Variants in FGF12 observed in about 807,000 individuals in gnomAD.
FGF12 encodes the protein fibroblast growth factor 12.
FGF12 carries 14 observed loss-of-function variants against 23.6 expected under a neutral mutation model. The ratio of observed to expected loss-of-function variants is 0.59; its 90% CI spans 0.39 to 0.93. The LOEUF is 0.93. Ranked by LOEUF, FGF12 falls within the 40% of genes least tolerant of loss-of-function variation. FGF12 has a pLI of 0.00. For missense variants in FGF12, 175 were observed against 217.8 expected, an observed-to-expected ratio of 0.80 and a Z score of 1.24; for synonymous variants, 62 against 77.3, an observed-to-expected ratio of 0.80 and a Z score of 1.04.
At chr3:192,709,311 T>A (rs1006113421) in intron 2 of FGF12, among the ~76,000 whole-genome samples, 2 of 152,218 alleles carry the variant, frequency 1.3e-5, no homozygotes, top group African/African-American at 4.8e-5. Flanking sequence ...CCATTCTCTC[T>A]TTATGGCATT....
intron 2 of FGF12, among the ~76,000 whole-genome samples, chr3:192,712,840 T>C (rs1042618313): frequency 6.6e-6 from 1 of 151,796 alleles, no homozygotes; most frequent in Non-Finnish European, 1.5e-5. Context: ...CTGCAAAAAT[T>C]TTCTAGGGTG....
chr3:192,260,148 A>G (rs1418431247), intron 4 of FGF12, among the ~76,000 whole-genome samples: 2 of 152,182 alleles, frequency 1.3e-5, no homozygotes, highest in Non-Finnish European at 1.5e-5. Context: ...AAATGTTCCT[A>G]TGCCTAGCAA....
chr3:192,559,998 T>C (rs1465996290), intron 2 of FGF12, among the ~76,000 whole-genome samples: 1 of 152,026 alleles, frequency 6.6e-6, no homozygotes, highest in African/African-American at 2.4e-5. Context: ...TACCATAAAA[T>C]AAGTAGCAAT....
intron 2 of FGF12, among the ~76,000 whole-genome samples, chr3:192,694,157 C>A (rs894367780): frequency 6.6e-6 from 1 of 152,086 alleles, no homozygotes; most frequent in South Asian, 2.1e-4. Flanking sequence ...AGGTGCTCAA[C>A]GTCATTACGA....
chr3:192,173,762 G>C (rs1054191750), intron 4 of FGF12, among the ~76,000 whole-genome samples: 2 of 151,932 alleles, frequency 1.3e-5, no homozygotes, highest in Non-Finnish European at 2.9e-5. Context: ...AAGAAGTTAG[G>C]AAAAAAATAA....
At chr3:192,419,651 C>T (rs1315889868) in intron 2 of FGF12, among the ~76,000 whole-genome samples, 1 of 152,010 alleles carries the variant, frequency 6.6e-6, no homozygotes, top group Non-Finnish European at 1.5e-5. Context: ...TCATTATAGG[C>T]TGCATCCAAG....
chr3:192,373,536 A>G (rs1373867393), intron 2 of FGF12, among the ~76,000 whole-genome samples: 2 of 152,240 alleles, frequency 1.3e-5, no homozygotes, highest in East Asian at 1.9e-4. Context: ...GTTAAATTAT[A>G]ATCTAGACAA....
chr3:192,200,930 C>T (rs1195542230), intron 4 of FGF12, among the ~76,000 whole-genome samples: 2 of 151,848 alleles, frequency 1.3e-5, no homozygotes, highest in Non-Finnish European at 2.9e-5. Context: ...AGTGAGTAGG[C>T]TACCTCAGTA....
At chr3:192,205,935 G>A (rs570456448) in intron 4 of FGF12, among the ~76,000 whole-genome samples, 65 of 152,166 alleles carry the variant, frequency 4.3e-4, no homozygotes, top group Non-Finnish European at 7.9e-4. Context: ...CTACACAGAG[G>A]AGGTGTTACT....
At chr3:192,234,827 A>T (rs955805742) in intron 4 of FGF12, among the ~76,000 whole-genome samples, 6 of 152,156 alleles carry the variant, frequency 3.9e-5, no homozygotes, top group African/African-American at 1.4e-4. Flanking sequence ...AGCTCTGTTT[A>T]TGTGATGAAT....
intron 2 of FGF12, among the ~76,000 whole-genome samples, chr3:192,614,177 TC>T (rs1714660770): frequency 6.6e-6 from 1 of 151,896 alleles, no homozygotes; most frequent in Non-Finnish European, 1.5e-5. Flanking sequence ...AATTTTTATT[TC>T]CTTTTTTTTT....
At chr3:192,275,605 G>T (rs187762303) in intron 4 of FGF12, among the ~76,000 whole-genome samples, 26 of 152,224 alleles carry the variant, frequency 1.7e-4, no homozygotes, top group African/African-American at 5.5e-4. Context: ...TTCTAAGTGG[G>T]AACTAAAAAG....
At chr3:192,476,024 T>C (rs747629832) in intron 2 of FGF12, among the ~76,000 whole-genome samples, 1 of 152,020 alleles carries the variant, frequency 6.6e-6, no homozygotes, top group Non-Finnish European at 1.5e-5. Flanking sequence ...AATGTAACAA[T>C]CTATGAACTT....
intron 4 of FGF12, among the ~76,000 whole-genome samples, chr3:192,206,874 A>G (rs1175556162): frequency 6.6e-6 from 1 of 152,172 alleles, no homozygotes; most frequent in Non-Finnish European, 1.5e-5. Flanking sequence ...GCCCCCTGGA[A>G]GCTGCCCCTG....
At chr3:192,577,416 T>A (rs537351184) in intron 2 of FGF12, among the ~76,000 whole-genome samples, 1 of 152,308 alleles carries the variant, frequency 6.6e-6, no homozygotes, top group South Asian at 2.1e-4. Context: ...TGGCCCTTTG[T>A]ATGTACTCGG....
chr3:192,538,344 A>G (rs1011561768), intron 2 of FGF12, among the ~76,000 whole-genome samples: 1 of 152,060 alleles, frequency 6.6e-6, no homozygotes, highest in African/African-American at 2.4e-5. Context: ...ACAGATATCC[A>G]GTTTTCTTAG....
At position 192,488,354 on chromosome 3, in the gene FGF12, A is replaced by G. The variant is rs545608089; in HGVS notation, c.14-127816T>C. On this transcript the variant is annotated intron_variant, in intron 2 of 5. Coordinates refer to ENST00000445105, the MANE Select transcript of FGF12 (RefSeq NM_004113.6). Reference sequence around the variant, plus strand: ...CATACGAAAATAGAGTTACCTAAATATTGCTTAACCCAGGTCTAAATTGTA... The same window carrying G: ...CATACGAAAATAGAGTTACCTAAATGTTGCTTAACCCAGGTCTAAATTGTA... 3.0e-4 allele frequency among the ~76,000 whole-genome samples: 46 copies of G among 152,194 alleles called. 1 individual carries two copies. The South Asian group carries it at 9.1e-3, about 30-fold the overall frequency.
intron 4 of FGF12, among the ~76,000 whole-genome samples, chr3:192,235,469 G>A (rs1719241615): frequency 6.6e-6 from 1 of 152,090 alleles, no homozygotes; most frequent in Non-Finnish European, 1.5e-5. Context: ...AATGACAGGT[G>A]CATGCCACCA....
chr3:192,289,867 T>C (rs1714662597), intron 4 of FGF12, among the ~76,000 whole-genome samples: 3 of 152,182 alleles, frequency 2.0e-5, no homozygotes, highest in South Asian at 4.1e-4. Flanking sequence ...GTTATAATAA[T>C]TTATTTTATA....
Sources: gnomAD v4.1 joint callset for allele counts (sites outside exome capture counted in the v4.1 genomes callset) on GRCh38, gnomAD v4.1.1 for gene constraint, MANE v1.5 for transcripts, NCBI Gene and HGNC (gene_info 2026-07-23, HGNC 2026-07-21) for gene names.